The following CHD7 variants were observed in gnomAD, a reference collection of about 807,000 sequenced individuals.
CHD7 encodes chromodomain helicase DNA binding protein 7, also known as ATP-dependent chromatin remodeler CHD7.
A neutral mutation model predicts 307.3 loss-of-function variants in CHD7; 24 were observed. That is an observed-to-expected ratio of 0.08 (90% CI 0.06 to 0.11). CHD7 has a LOEUF of 0.11. CHD7 is among the 10% of genes least tolerant of loss of function. The pLI, the probability that CHD7 is intolerant of heterozygous loss-of-function variation, is 1.00. For synonymous variants in CHD7, 1,363 were observed against 1,349.9 expected, an observed-to-expected ratio of 1.01 and a Z score of -0.21; for missense variants, 3,106 against 3,727.1, an observed-to-expected ratio of 0.83 and a Z score of 4.34.
chr8:60,823,634 T>C (rs1300949788), intron 12 of CHD7, among the ~76,000 whole-genome samples: 1 of 152,188 alleles, frequency 6.6e-6, no homozygotes, highest in Non-Finnish European at 1.5e-5. Context: ...GATCCAAAAT[T>C]TACTGACAGT....
In CHD7 at chr8:60,703,367, A is replaced by G. The variant is rs543967934; in HGVS notation, c.-175+24285A>G. Among the ~76,000 whole-genome samples the G allele has an allele frequency of 2.6e-5, 4 of 152,346 alleles. No individual in the cohort carries two copies. The South Asian group carries it at 8.3e-4, about 32-fold the overall frequency. ...GCCTTTGACCAGTGATTGGTCATAT[A>G]GCACCAGAATGAAAGGCCTGGGGAA... On this transcript the variant is annotated intron_variant, in intron 1 of 37. Coordinates refer to ENST00000423902, the MANE Select transcript of CHD7 (RefSeq NM_017780.4).
chr8:60,682,636 T>C (rs1805688592), intron 1 of CHD7, among the ~76,000 whole-genome samples: 1 of 152,214 alleles, frequency 6.6e-6, no homozygotes, highest in Non-Finnish European at 1.5e-5. Flanking sequence ...GTTAAAACAA[T>C]AAAAGGCAGT....
Position 60,836,180 on chromosome 8 carries a change from G to A in CHD7, c.3886G>A (p.Asp1296Asn), listed in dbSNP as rs1326582096. The A allele has an allele frequency of 6.2e-7, 1 of 1,613,898 alleles. No individual in the cohort carries two copies. Among genetic ancestry groups the A allele is most frequent in the Non-Finnish European group, 8.5e-7 (1 of 1,179,874 alleles). The part of the protein sequence containing the change: ...IQAAGKLVLI[D>N]KLLPKLKAGG... Reference sequence around the variant, plus strand: ...GGCTGCTGGCAAGCTAGTGCTGATTGACAAGCTGCTGCCAAAACTGAAGGC... The same window carrying A: ...GGCTGCTGGCAAGCTAGTGCTGATTAACAAGCTGCTGCCAAAACTGAAGGC... The change falls in exon 16 of 38, where the codon GAC becomes AAC. Residue 1296 changes from aspartate (D) to asparagine (N), a missense_variant. Coordinates refer to ENST00000423902, the MANE Select transcript of CHD7 (RefSeq NM_017780.4).
chr8:60,808,562 T>C (rs544492408), intron 7 of CHD7, among the ~76,000 whole-genome samples: 1 of 152,324 alleles, frequency 6.6e-6, no homozygotes, highest in Non-Finnish European at 1.5e-5. Flanking sequence ...AAGCAGTATT[T>C]CCCTGTCCTC....
At chr8:60,733,267 C>T (rs1269198005) in intron 1 of CHD7, among the ~76,000 whole-genome samples, 2 of 116,896 alleles carry the variant, frequency 1.7e-5, no homozygotes, top group Non-Finnish European at 3.8e-5. Flanking sequence ...GGGATAGATA[C>T]ACATATTTTA....
rs112029832 is a variant in CHD7, at chr8:60,832,842, G to A, written c.3778+2265G>A. 7.2e-5 allele frequency among the ~76,000 whole-genome samples: 11 copies of A among 152,238 alleles called. No individual in the cohort carries two copies. In the East Asian group the frequency reaches 1.5e-3, roughly 21 times the overall value. On this transcript the variant is annotated intron_variant, in intron 15 of 37. Coordinates refer to ENST00000423902, the MANE Select transcript of CHD7 (RefSeq NM_017780.4). ...GTCATCCTGTATAGCATATTTGTTCGCGAGGAGCCTCTTAGGACTCCCTAA... is the reference window on the plus strand; with the variant it reads ...GTCATCCTGTATAGCATATTTGTTCACGAGGAGCCTCTTAGGACTCCCTAA...
chr8:60,716,552 A>G (rs528031353), intron 1 of CHD7, among the ~76,000 whole-genome samples: 1 of 152,296 alleles, frequency 6.6e-6, no homozygotes, highest in Non-Finnish European at 1.5e-5. Context: ...CCGATCATAC[A>G]TAACTATCTT....
Position 60,788,948 on chromosome 8 carries a change from T to C in CHD7, c.2097-6038T>C, listed in dbSNP as rs186392641. On this transcript the variant is annotated intron_variant, in intron 3 of 37. Transcript: ENST00000423902. ...ATTTTGTGGGGTTGATTTTACTCTATGATGTACCAGATTTTATGCTGCTTT... is the reference window on the plus strand; with the variant it reads ...ATTTTGTGGGGTTGATTTTACTCTACGATGTACCAGATTTTATGCTGCTTT... Among the ~76,000 whole-genome samples the C allele has an allele frequency of 1.1e-4, 17 of 152,374 alleles. No individual in the cohort carries two copies. In the East Asian group the frequency reaches 3.1e-3, roughly 28 times the overall value.
chr8:60,845,985 GCTTA>G (rs1230900718), intron 23 of CHD7, among the ~76,000 whole-genome samples: 2 of 152,088 alleles, frequency 1.3e-5, no homozygotes, highest in Admixed American at 1.3e-4. Flanking sequence ...TCTGTGCCTG[GCTTA>G]CTTCTCTTAA....
Position 60,795,850 on chromosome 8 carries a change from C to G in CHD7, c.2238+723C>G, listed in dbSNP as rs147640068. Among the ~76,000 whole-genome samples, 5 of 152,262 alleles carry G rather than the reference C, an allele frequency of 3.3e-5. No individual in the cohort carries two copies. In the East Asian group the frequency reaches 9.6e-4, roughly 29 times the overall value. ...TTCCCTGGAAGCATGCCAGTGTGGT[C>G]CACTGGGATGGCTGGGAATGTAACT... On this transcript the variant is annotated intron_variant, in intron 4 of 37. Coordinates refer to ENST00000423902, the MANE Select transcript of CHD7 (RefSeq NM_017780.4).
Position 60,816,113 on chromosome 8 carries a change from G to GTCTGTCTCTCTCTCTC in CHD7, c.2499-271_2499-270insGTCTCTCTCTCTCTCT, listed in dbSNP as rs58405811. Among the ~76,000 whole-genome samples, 69 of 139,312 alleles carry GTCTGTCTCTCTCTCTC rather than the reference G, an allele frequency of 5.0e-4. 2 individuals carry two copies. The highest frequency in any genetic ancestry group is 1.8e-3 in the African/African-American group (62 of 34,998). 91.4% of individuals were successfully genotyped at this position (139,312 alleles called of 152,430 possible). A position where few individuals can be genotyped will look rare whatever the true frequency, so the allele number is the denominator to read the frequency against. ...GTCTCTTTTGTCTGTCTGTCTGTCTGTCTCTCTCTCTCTCTCTCTCTCTCT... is the reference window on the plus strand; with the variant it reads ...GTCTCTTTTGTCTGTCTGTCTGTCTGTCTGTCTCTCTCTCTCTCTCTCTCTCTCTCTCTCTCTCTCT... On this transcript the variant is annotated intron_variant, in intron 7 of 37. Transcript: ENST00000423902.
chr8:60,865,382 C>T lies in CHD7; in HGVS notation c.8443C>T (p.Leu2815=). ...GLPNVFGLGG[L]LNNPLSAATG... is the part of the protein sequence containing the mutation. ...GCCCAACGTGTTTGGCTTGGGCGGG[C>T]TGTTGAATAACCCTCTGTCAGCTGC... The change falls in exon 38 of 38, where the codon CTG becomes TTG. Residue 2815 remains leucine (L), a synonymous_variant. Transcript: ENST00000423902. The surrounding 1 kb of genome is among the most constrained non-coding windows in gnomAD (Gnocchi z 4.3). 6.2e-7 allele frequency: 1 copy of T among 1,612,900 alleles called. No individual in the cohort carries two copies.
chr8:60,835,835 G>A (rs1804717439), intron 15 of CHD7, among the ~76,000 whole-genome samples: 1 of 152,112 alleles, frequency 6.6e-6, no homozygotes, highest in Admixed American at 6.5e-5. Flanking sequence ...TTTGTTTGTT[G>A]AAAAATGTGG....
chr8:60,867,890 T>TTTGTATTTTTAGTA lies in CHD7; in HGVS notation c.*1957_*1958insTTGTATTTTTAGTA, dbSNP rs1563677121. On this transcript the variant is annotated 3_prime_UTR_variant, in exon 38 of 38. Coordinates refer to ENST00000423902, the MANE Select transcript of CHD7 (RefSeq NM_017780.4). ...AAAGTGCCTTGAAGAGAATATTTTT[T>TTTGTATTTTTAGTA]GAAAGGGAATTATTTGAACACGGGA... 2.0e-5 allele frequency: 3 copies of TTTGTATTTTTAGTA among 151,894 alleles called. No individual in the cohort carries two copies. Among genetic ancestry groups the TTTGTATTTTTAGTA allele is most frequent in the African/African-American group, 7.3e-5 (3 of 41,158 alleles). The allele number at this position is 151,894 out of a possible 1,614,324, so 9.4% of individuals were successfully genotyped here. A position where few individuals can be genotyped will look rare whatever the true frequency, so the allele number is the denominator to read the frequency against.
At chr8:60,830,993 G>A (rs550599921) in intron 15 of CHD7, among the ~76,000 whole-genome samples, 2 of 152,250 alleles carry the variant, frequency 1.3e-5, no homozygotes, top group South Asian at 2.1e-4. Context: ...GCCTTTGATA[G>A]CAAATGTCCT....
chr8:60,816,109 GTCTGTC>G (rs1234687051), intron 7 of CHD7, among the ~76,000 whole-genome samples: 16 of 67,062 alleles, frequency 2.4e-4, no homozygotes, highest in Middle Eastern at 6.0e-3. Flanking sequence ...CTGTCTGTCT[GTCTGTC>G]TCTCTCTCTC....
At chr8:60,745,132 G>C (rs1209951914) in intron 2 of CHD7, among the ~76,000 whole-genome samples, 4 of 152,034 alleles carry the variant, frequency 2.6e-5, no homozygotes, top group Non-Finnish European at 5.9e-5. Flanking sequence ...TACTGTCTCT[G>C]AGGCCAGCAG....
intron 2 of CHD7, among the ~76,000 whole-genome samples, chr8:60,748,429 TG>T (rs1357968844): frequency 6.6e-6 from 1 of 152,174 alleles, no homozygotes; most frequent in Non-Finnish European, 1.5e-5. Context: ...CCCATGGCAC[TG>T]GAGGGCACTA....
intron 16 of CHD7, 134 bp from the exon 17 acceptor site, chr8:60,836,683 C>T: frequency 3.3e-6 from 2 of 597,288 alleles, no homozygotes. Flanking sequence ...CCTATTTGCT[C>T]TGAGATTAGT....
Sources: gnomAD v4.1 joint callset for allele counts (sites outside exome capture counted in the v4.1 genomes callset) on GRCh38, gnomAD v4.1.1 for gene constraint, Gnocchi (gnomAD v3.1) non-coding constraint, MANE v1.5 for transcripts, NCBI Gene and HGNC (gene_info 2026-07-23, HGNC 2026-07-21) for gene names.